Variants in MAP2K5 observed in about 807,000 individuals in gnomAD.
MAP2K5 encodes mitogen-activated protein kinase kinase 5.
Under a neutral mutation model 83.1 loss-of-function variants are expected in MAP2K5, and 49 were observed. That is an observed-to-expected ratio of 0.59 (90% CI 0.47 to 0.75). The LOEUF (loss-of-function observed/expected upper bound fraction) is 0.75. MAP2K5 is among the 30% of genes least tolerant of loss of function. MAP2K5 has a pLI of 0.00. For missense variants in MAP2K5, 457 were observed against 557.5 expected, an observed-to-expected ratio of 0.82 and a Z score of 1.82; for synonymous variants, 202 against 191.8, an observed-to-expected ratio of 1.05 and a Z score of -0.44.
intron 11 of MAP2K5, among the ~76,000 whole-genome samples, 180 bp downstream of exon 11, chr15:67,646,649 C>T (rs576765494): frequency 3.3e-5 from 5 of 152,054 alleles, no homozygotes; most frequent in South Asian, 2.1e-4. Flanking sequence ...TATTTATAGC[C>T]GAACTGTAAT....
At chr15:67,799,823 G>C (rs1412542959) in intron 21 of MAP2K5, among the ~76,000 whole-genome samples, 1 of 152,196 alleles carries the variant, frequency 6.6e-6, no homozygotes, top group East Asian at 1.9e-4. Flanking sequence ...CCAGGAGAAG[G>C]GAGGCCCCCT....
Position 67,543,229 on chromosome 15 carries a change from C to T in MAP2K5, c.-107C>T. 8.9e-7 allele frequency: 1 copy of T among 1,120,254 alleles called. No individual in the cohort carries two copies. The highest frequency in any genetic ancestry group is 1.3e-6 in the Non-Finnish European group (1 of 750,484). 69.4% of individuals were successfully genotyped at this position (1,120,254 alleles called of 1,614,324 possible). A position where few individuals can be genotyped will look rare whatever the true frequency, so the allele number is the denominator to read the frequency against. On this transcript the variant is annotated 5_prime_UTR_variant, in exon 1 of 22. Transcript: ENST00000178640. This position sits in a 1 kb window ranked among gnomAD's most constrained non-coding sequence, Gnocchi z 4.3. ...CTCATCCTCCATTCCCTTGTTTTCACCCTCTGTCCTCTGCCCGTCACTCCC... is the reference window on the plus strand; with the variant it reads ...CTCATCCTCCATTCCCTTGTTTTCATCCTCTGTCCTCTGCCCGTCACTCCC...
chr15:67,625,149 A>C (rs1289980545), intron 8 of MAP2K5, among the ~76,000 whole-genome samples: 5 of 152,228 alleles, frequency 3.3e-5, no homozygotes, highest in Non-Finnish European at 7.3e-5. Flanking sequence ...GTTAAGACCA[A>C]CTTCTTTGTC....
chr15:67,543,208 T>A lies in MAP2K5; in HGVS notation c.-128T>A, dbSNP rs1427601637. On this transcript the variant is annotated 5_prime_UTR_variant, in exon 1 of 22. Transcript: ENST00000178640. The surrounding 1 kb of genome is among the most constrained non-coding windows in gnomAD (Gnocchi z 4.3). ...CCCCTCCCCTCTTCCCTCCCCCTCA[T>A]CCTCCATTCCCTTGTTTTCACCCTC... 6.0e-5 allele frequency: 50 copies of A among 827,606 alleles called. No homozygotes were observed. Among genetic ancestry groups the A allele is most frequent in the Non-Finnish European group, 8.1e-5 (41 of 506,634 alleles). 51.3% of individuals were successfully genotyped at this position (827,606 alleles called of 1,614,324 possible). A position where few individuals can be genotyped will look rare whatever the true frequency, so the allele number is the denominator to read the frequency against.
chr15:67,678,771 C>T (rs1024497261), intron 13 of MAP2K5, among the ~76,000 whole-genome samples: 2 of 152,086 alleles, frequency 1.3e-5, no homozygotes, highest in Non-Finnish European at 2.9e-5. Flanking sequence ...TGAGACCAGC[C>T]TGGCCAATAT....
chr15:67,555,361 G>A lies in MAP2K5; in HGVS notation c.184+5279G>A, dbSNP rs1333860682. Among the ~76,000 whole-genome samples, 3 of 152,150 alleles carry A rather than the reference G, an allele frequency of 2.0e-5. No homozygotes were observed. The highest frequency in any genetic ancestry group is 4.4e-5 in the Non-Finnish European group (3 of 68,024). ...CAGAGTGAGAACCCACTACCATAGA[G>A]AGGGCACTGAGTCATTCATGGGGGA... On this transcript the variant is annotated intron_variant, in intron 2 of 21. Coordinates refer to ENST00000178640, the MANE Select transcript of MAP2K5 (RefSeq NM_145160.3). This position sits in a 1 kb window ranked among gnomAD's most constrained non-coding sequence, Gnocchi z 5.2.
At chr15:67,797,930 G>A (rs1048401125) in intron 21 of MAP2K5, among the ~76,000 whole-genome samples, 5 of 152,142 alleles carry the variant, frequency 3.3e-5, no homozygotes, top group African/African-American at 7.2e-5. Context: ...TGATCCACCC[G>A]CTTCAGCCTC....
At chr15:67,653,909 C>T (rs6494678) in intron 11 of MAP2K5, among the ~76,000 whole-genome samples, 41,535 of 151,978 alleles carry the variant, frequency 0.27, 6,394 homozygotes, top group East Asian at 0.53. Flanking sequence ...TTCCATTTTT[C>T]TATGATAGAA....
chr15:67,730,695 T>A (rs898528077), intron 17 of MAP2K5, among the ~76,000 whole-genome samples: 5 of 152,158 alleles, frequency 3.3e-5, no homozygotes, highest in African/African-American at 1.2e-4. Context: ...CATATATCCT[T>A]AAGATCACAT....
rs1253640060 is a variant in MAP2K5 at position 67,782,981 on chromosome 15, G to A, written c.1242+10229G>A. Reference sequence around the variant, plus strand: ...AAAGTGGGTTAAGCACCGAAGGAAGGTGTAAGGATGGCTTTTAGGGGACTG... The same window carrying A: ...AAAGTGGGTTAAGCACCGAAGGAAGATGTAAGGATGGCTTTTAGGGGACTG... On this transcript the variant is annotated intron_variant, in intron 21 of 21. Transcript: ENST00000178640. This position sits in a 1 kb window ranked among gnomAD's most constrained non-coding sequence, Gnocchi z 4.9. Among the ~76,000 whole-genome samples the A allele has an allele frequency of 6.6e-6, 1 of 152,274 alleles. No homozygotes were observed. Among genetic ancestry groups the A allele is most frequent in the East Asian group, 1.9e-4 (1 of 5,202 alleles).
chr15:67,780,926 T>C lies in MAP2K5; in HGVS notation c.1242+8174T>C, dbSNP rs1167122093. Among the ~76,000 whole-genome samples the C allele has an allele frequency of 1.3e-5, 2 of 152,130 alleles. No individual in the cohort carries two copies. Among genetic ancestry groups the C allele is most frequent in the South Asian group, 4.1e-4 (2 of 4,826 alleles). ...GGTATGCATTCTGACCACTTGAGAA[T>C]TTACCTCAAGCAAGTAACTCCACAT... On this transcript the variant is annotated intron_variant, in intron 21 of 21. Transcript: ENST00000178640. This position sits in a 1 kb window ranked among gnomAD's most constrained non-coding sequence, Gnocchi z 5.0.
At chr15:67,718,320 G>A (rs1472776056) in intron 16 of MAP2K5, 1 of 152,138 alleles carries the variant, frequency 6.6e-6, no homozygotes, top group Non-Finnish European at 1.5e-5. Flanking sequence ...TCATGATTAG[G>A]GGTGCCTGCT....
Position 67,590,365 on chromosome 15 carries a change from CT to C in MAP2K5, c.432-2554del, listed in dbSNP as rs573682536. Among the ~76,000 whole-genome samples the C allele has an allele frequency of 3.6e-3, 551 of 151,524 alleles. 2 individuals carry two copies. The highest frequency in any genetic ancestry group is 7.3e-3 in the South Asian group (35 of 4,776). On this transcript the variant is annotated intron_variant, in intron 6 of 21. Coordinates refer to ENST00000178640, the MANE Select transcript of MAP2K5 (RefSeq NM_145160.3). ...TCATATTAGGTCTTGAGTCCTTTCT[CT>C]TTTTTTCCTTTTCATTTCTTCCTTT...
At chr15:67,621,574 G>C (rs1567315094) in intron 8 of MAP2K5, among the ~76,000 whole-genome samples, 1 of 151,920 alleles carries the variant, frequency 6.6e-6, no homozygotes, top group Non-Finnish European at 1.5e-5. Flanking sequence ...AATAAAAAGG[G>C]AACATAATTC....
intron 17 of MAP2K5, among the ~76,000 whole-genome samples, chr15:67,732,741 A>C (rs2089249498): frequency 6.6e-6 from 1 of 151,062 alleles, no homozygotes; most frequent in Admixed American, 6.6e-5. Context: ...CTCCATATGG[A>C]GCTCCAGACA....
chr15:67,784,518 C>T (rs8030456), intron 21 of MAP2K5, among the ~76,000 whole-genome samples: 46,412 of 152,126 alleles, frequency 0.31, 8,164 homozygotes, highest in East Asian at 0.6. Flanking sequence ...TCTGCAGGGC[C>T]GTGGTCGAGG....
At chr15:67,585,822 C>T (rs540900898) in intron 4 of MAP2K5, 68 bp from the exon 5 acceptor site, 41 of 1,374,928 alleles carry the variant, frequency 3.0e-5, no homozygotes, top group East Asian at 4.6e-5. Context: ...TCTTTTTAAA[C>T]GATTCATTTT....
At chr15:67,649,437 C>T (rs2086903921) in intron 11 of MAP2K5, among the ~76,000 whole-genome samples, 1 of 152,104 alleles carries the variant, frequency 6.6e-6, no homozygotes, top group Admixed American at 6.6e-5. Flanking sequence ...ATCCTCCCAC[C>T]TCAGCCTCAA....
chr15:67,612,333 G>T (rs1224936789), intron 8 of MAP2K5, among the ~76,000 whole-genome samples: 3 of 152,128 alleles, frequency 2.0e-5, no homozygotes, highest in African/African-American at 4.8e-5. Flanking sequence ...TTTAAAAACA[G>T]AATGTTGCCT....
Sources: allele counts gnomAD v4.1 joint callset (sites outside exome capture counted in the v4.1 genomes callset), GRCh38; gene constraint gnomAD v4.1.1; non-coding constraint Gnocchi (gnomAD v3.1); transcripts MANE v1.5; gene names NCBI Gene and HGNC (gene_info 2026-07-23, HGNC 2026-07-21).